Variants in LRRC66 observed in about 807,000 individuals in gnomAD.
LRRC66 encodes the protein leucine rich repeat containing 66, also known as leucine-rich repeat-containing protein 66.
LRRC66 carries 29 observed loss-of-function variants against 24.6 expected under a neutral mutation model. The observed-to-expected ratio is 1.18, with a 90% CI of 0.88 to 1.61. The LOEUF is 1.61. LRRC66 is among the 40% of genes most tolerant of loss of function. The probability of loss-of-function intolerance (pLI) is 0.00; values close to 1 mark genes in which losing one functional copy is unlikely to be tolerated. For missense variants in LRRC66, 1,124 were observed against 1,058.0 expected (o/e 1.06, Z -0.87); for synonymous variants, 411 against 397.6 (o/e 1.03, Z -0.40).
chr4:52,007,755 A>C (rs1736619773), intron 2 of LRRC66, among the ~76,000 whole-genome samples: 1 of 152,110 alleles, frequency 6.6e-6, no homozygotes, highest in Non-Finnish European at 1.5e-5. Context: ...ATGGCAGCAG[A>C]GGTGTTGTGA....
At chr4:52,002,383 T>A (rs1354747853) in intron 3 of LRRC66, among the ~76,000 whole-genome samples, 1 of 152,118 alleles carries the variant, frequency 6.6e-6, no homozygotes, top group Non-Finnish European at 1.5e-5. Flanking sequence ...GACTAAGGAC[T>A]CTTACAAACC....
intron 3 of LRRC66, among the ~76,000 whole-genome samples, chr4:52,002,658 C>G (rs1218631933): frequency 6.6e-6 from 1 of 152,132 alleles, no homozygotes; most frequent in African/African-American, 2.4e-5. Flanking sequence ...ATGGGTTGGA[C>G]GTTTAGAACT....
At chr4:52,004,239 C>T (rs761230348) in intron 2 of LRRC66, among the ~76,000 whole-genome samples, 40 of 152,132 alleles carry the variant, frequency 2.6e-4, no homozygotes, top group Non-Finnish European at 5.0e-4. Flanking sequence ...GAACTCCTGA[C>T]CTCAAGTGAT....
At chr4:52,015,635 T>C (rs1162546194) in intron 2 of LRRC66, among the ~76,000 whole-genome samples, 1 of 152,208 alleles carries the variant, frequency 6.6e-6, no homozygotes, top group Non-Finnish European at 1.5e-5. Flanking sequence ...ATATCTCTAG[T>C]ACACTTGAGT....
chr4:52,018,942 T>C (rs532145609), intron 1 of LRRC66, among the ~76,000 whole-genome samples: 2 of 152,354 alleles, frequency 1.3e-5, no homozygotes, highest in African/African-American at 2.4e-5. Context: ...AAGAGCGCCA[T>C]GTCAGCTCAC....
At chr4:51,996,767 G>A (rs1405711788) in intron 4 of LRRC66, among the ~76,000 whole-genome samples, 1 of 152,188 alleles carries the variant, frequency 6.6e-6, no homozygotes, top group Non-Finnish European at 1.5e-5. Context: ...GAGGTTGTAT[G>A]TGCCTTAGGC....
intron 2 of LRRC66, among the ~76,000 whole-genome samples, chr4:52,012,911 CTGTACTA>C (rs1285966333): frequency 6.6e-6 from 1 of 152,184 alleles, no homozygotes; most frequent in East Asian, 1.9e-4. Context: ...AATACTCCTT[CTGTACTA>C]TGAACTTAAG....
At position 51,994,801 on chromosome 4, in the gene LRRC66, C is replaced by A; in HGVS notation, c.2221G>T (p.Gly741Trp). 1 of 1,614,232 alleles carries A rather than the reference C, an allele frequency of 6.2e-7. No homozygotes were observed. The highest frequency in any genetic ancestry group is 8.5e-7 in the Non-Finnish European group (1 of 1,180,028). Residue 741 changes from glycine to tryptophan, a missense_variant, in exon 5 of 5, where the codon GGG (glycine) becomes TGG (tryptophan). Gly to Trp is a radical substitution (Grantham distance 184). Coordinates refer to ENST00000682860, the MANE Select transcript of LRRC66 (RefSeq NM_001024611.3). ...DEESLQDESS[G>W]ASKDNVTAVD... is the part of the protein sequence containing the mutation. ...GCCGTCACATTGTCCTTGCTTGCCC[C>A]TGAGCTCTCGTCCTGCAGGGACTCC... is the stretch of plus-strand genomic sequence containing the variant.
chr4:52,011,658 G>A (rs1417932888), intron 2 of LRRC66, among the ~76,000 whole-genome samples: 2 of 152,138 alleles, frequency 1.3e-5, no homozygotes, highest in East Asian at 1.9e-4. Flanking sequence ...CACTAAAGGG[G>A]AACTAATGCT....
intron 2 of LRRC66, among the ~76,000 whole-genome samples, chr4:52,013,126 A>G (rs1244496741): frequency 2.6e-5 from 4 of 152,210 alleles, no homozygotes; most frequent in Non-Finnish European, 4.4e-5. Context: ...AGTGTCTTAT[A>G]TACTTTTTGT....
rs757284416 is a variant in LRRC66 at position 51,996,018 on chromosome 4, AGAG to A, written c.1001_1003del (p.Thr334_Leu335delinsMet). On this transcript the variant is annotated inframe_deletion, in exon 5 of 5. Coordinates refer to ENST00000682860, the MANE Select transcript of LRRC66 (RefSeq NM_001024611.3). ...AGAGCCGGCCTTTGCCTTCTTCCCC[AGAG>A]TAGAAATGCCCGTGTGCCTTCCTCC... 2 of 1,613,796 alleles carry A rather than the reference AGAG, an allele frequency of 1.2e-6. No homozygotes were observed. The highest frequency in any genetic ancestry group is 1.7e-6 in the Non-Finnish European group (2 of 1,179,932).
intron 1 of LRRC66, chr4:52,018,251 A>G: frequency 1.0e-6 from 1 of 985,248 alleles, no homozygotes; most frequent in Non-Finnish European, 1.2e-6. Context: ...GCTCCAAGCC[A>G]TGAAGATGTA....
intron 2 of LRRC66, among the ~76,000 whole-genome samples, chr4:52,014,380 G>A (rs1736766793): frequency 6.6e-6 from 1 of 152,212 alleles, no homozygotes; most frequent in South Asian, 2.1e-4. Context: ...TAAATCTTCA[G>A]ACAAGATTCT....
chr4:52,008,526 A>G (rs2110199771), intron 2 of LRRC66, among the ~76,000 whole-genome samples: 1 of 152,218 alleles, frequency 6.6e-6, no homozygotes, highest in East Asian at 1.9e-4. Context: ...AAAAATTTAA[A>G]TTGAGTGTAT....
chr4:52,003,040 G>A (rs772212326), intron 3 of LRRC66, among the ~76,000 whole-genome samples, 183 bp downstream of exon 3: 1 of 152,132 alleles, frequency 6.6e-6, no homozygotes, highest in African/African-American at 2.4e-5. Flanking sequence ...CCTTATTGTG[G>A]CCTTTGATTT....
At position 51,997,940 on chromosome 4, in the gene LRRC66, GT is replaced by G. The variant is rs1560557357; in HGVS notation, c.667-4del. 6.2e-7 allele frequency: 1 copy of G among 1,608,780 alleles called. No homozygotes were observed. The highest frequency in any genetic ancestry group is 8.5e-7 in the Non-Finnish European group (1 of 1,176,688). ...GCATTGTTGCTAAGGTCTATGACCT[GT>G]TTGAGAAGAAACAAGTTTAGGATGG... On this transcript the variant is annotated splice_region_variant and splice_polypyrimidine_tract_variant and intron_variant, in intron 3 of 4. Transcript: ENST00000682860.
rs367611165 is a variant in LRRC66 at position 51,994,979 on chromosome 4, A to C, written c.2043T>G (p.Pro681=). ...PRWDSGLDVT[P]ANKEPVQKST... is the part of the protein sequence containing the mutation. ...ATTTCTGCACTGGTTCCTTGTTAGC[A>C]GGAGTGACATCCAGGCCACTGTCCC... The change falls in exon 5 of 5, where the codon CCT becomes CCG. Residue 681 remains proline (P), a synonymous_variant. Transcript: ENST00000682860. 1.1e-5 allele frequency: 18 copies of C among 1,614,060 alleles called. No homozygotes were observed. The African/African-American group carries it at 2.1e-4, about 19-fold the overall frequency.
chr4:52,017,079 G>A (rs764515342), intron 2 of LRRC66, 39 bp downstream of exon 2: 11 of 1,557,308 alleles, frequency 7.1e-6, no homozygotes, highest in Middle Eastern at 1.7e-4. Flanking sequence ...ACAACTCCAC[G>A]TAAGCATTGT....
chr4:51,995,380 G>A lies in LRRC66; in HGVS notation c.1642C>T (p.Leu548Phe), dbSNP rs1392006968. 8.1e-6 allele frequency: 13 copies of A among 1,614,096 alleles called. No individual in the cohort carries two copies. The Admixed American group carries it at 2.0e-4, about 25-fold the overall frequency. Reference protein sequence around the residue: ...TYETVAQEEPLSAHSVGVSSV... With the variant: ...TYETVAQEEPFSAHSVGVSSV... ...GAGACGCCCACTGAATGTGCACTGA[G>A]AGGCTCTTCCTGGGCCACAGTTTCA... Residue 548 changes from leucine (L) to phenylalanine (F), a missense_variant, in exon 5 of 5, where the codon CTC becomes TTC. Transcript: ENST00000682860.
Sources: allele counts gnomAD v4.1 joint callset (sites outside exome capture counted in the v4.1 genomes callset), GRCh38; gene constraint gnomAD v4.1.1; transcripts MANE v1.5; gene names NCBI Gene and HGNC (gene_info 2026-07-23, HGNC 2026-07-21).